Variants in LAMA2 observed in about 807,000 individuals in gnomAD.
LAMA2 encodes laminin subunit alpha 2.
In LAMA2, 269 loss-of-function variants were observed where a neutral mutation model predicts 364.8. The ratio of observed to expected loss-of-function variants is 0.74; its 90% CI spans 0.67 to 0.82. LAMA2 has a LOEUF of 0.82. Among genes scored for constraint, LAMA2 ranks in the 40% least tolerant of loss-of-function variants. The probability of loss-of-function intolerance (pLI) is 0.00; values close to 1 mark genes in which losing one functional copy is unlikely to be tolerated. For missense variants in LAMA2, 3,807 were observed against 3,873.2 expected (o/e 0.98, Z 0.45); for synonymous variants, 1,379 against 1,370.6 (o/e 1.01, Z -0.14).
intron 3 of LAMA2, among the ~76,000 whole-genome samples, chr6:129,061,501 A>G (rs1788910777): frequency 6.6e-6 from 1 of 152,192 alleles, no homozygotes; most frequent in Non-Finnish European, 1.5e-5. Context: ...ACAAGTTTTT[A>G]CTAAATCATT....
chr6:129,432,616 A>G (rs912538540), intron 41 of LAMA2, among the ~76,000 whole-genome samples: 3 of 152,216 alleles, frequency 2.0e-5, no homozygotes, highest in Non-Finnish European at 4.4e-5. Flanking sequence ...AGAGACTTAC[A>G]GATAACATAA....
chr6:129,410,736 AG>A (rs201565953), intron 40 of LAMA2, among the ~76,000 whole-genome samples: 1 of 136,302 alleles, frequency 7.3e-6, no homozygotes, highest in African/African-American at 2.8e-5. Context: ...ATAGATAGAT[AG>A]ATAGATAGAT....
chr6:129,256,985 A>G (rs552650249), intron 14 of LAMA2, among the ~76,000 whole-genome samples: 2 of 151,736 alleles, frequency 1.3e-5, no homozygotes, highest in African/African-American at 2.4e-5. Context: ...TAGTTCCAAT[A>G]TTATTCATAG....
At chr6:129,057,535 C>T (rs560809927) in intron 2 of LAMA2, among the ~76,000 whole-genome samples, 1 of 152,260 alleles carries the variant, frequency 6.6e-6, no homozygotes, top group Admixed American at 6.5e-5. Context: ...ACTCCTATAT[C>T]AATTTCACAA....
At chr6:129,508,447 G>A (rs1786290329) in intron 62 of LAMA2, among the ~76,000 whole-genome samples, 1 of 147,330 alleles carries the variant, frequency 6.8e-6, no homozygotes, top group African/African-American at 2.5e-5. Flanking sequence ...AGTTACCCTT[G>A]TGCTAGCAAA....
rs148514029 is a variant in LAMA2, at chr6:129,204,777, G to GTT, written c.1782+11925_1782+11926dup. Among the ~76,000 whole-genome samples, 551 of 152,032 alleles carry GTT rather than the reference G, an allele frequency of 3.6e-3. 5 individuals carry two copies. The highest frequency in any genetic ancestry group is 0.013 in the African/African-American group (519 of 41,466). On this transcript the variant is annotated intron_variant, in intron 12 of 64. Transcript: ENST00000421865. The stretch of plus-strand genomic sequence containing the variant: ...TTAAAATCTCATAATTTTCATTCTT[G>GTT]TTATATATATATAAAACAAATAAAA...
At chr6:129,388,264 A>AC (rs1477648454) in intron 35 of LAMA2, among the ~76,000 whole-genome samples, 1 of 151,788 alleles carries the variant, frequency 6.6e-6, no homozygotes, top group Non-Finnish European at 1.5e-5. Flanking sequence ...TCAAAAAAAA[A>AC]AAAACAAAAA....
At chr6:129,351,900 C>T (rs1470479932) in intron 31 of LAMA2, among the ~76,000 whole-genome samples, 2 of 152,054 alleles carry the variant, frequency 1.3e-5, no homozygotes, top group Admixed American at 6.6e-5. Context: ...TGTCACAAAT[C>T]GTTTTCTTCA....
At chr6:129,163,399 C>T (rs574720729) in intron 8 of LAMA2, among the ~76,000 whole-genome samples, 6 of 152,190 alleles carry the variant, frequency 3.9e-5, no homozygotes, top group East Asian at 3.9e-4. Flanking sequence ...TTTGGAAGGC[C>T]GAAGCAGGCA....
intron 37 of LAMA2, among the ~76,000 whole-genome samples, chr6:129,395,361 T>C (rs530816692): frequency 2.9e-4 from 44 of 152,338 alleles, no homozygotes; most frequent in African/African-American, 1.1e-3. Context: ...AAAAATTTTA[T>C]CAAGCCTCTA....
At chr6:129,083,526 C>A (rs1401186601) in intron 3 of LAMA2, among the ~76,000 whole-genome samples, 2 of 152,066 alleles carry the variant, frequency 1.3e-5, no homozygotes. Context: ...TTATTCATTG[C>A]AATAATAAAA....
rs530160587 is a variant in LAMA2 at position 129,459,254 on chromosome 6, T to C, written c.6868-946T>C. Among the ~76,000 whole-genome samples, 9 of 152,208 alleles carry C rather than the reference T, an allele frequency of 5.9e-5. No individual in the cohort carries two copies. In the South Asian group the frequency reaches 1.9e-3, roughly 32 times the overall value. ...TTTGTGTACCTAAACATAAACAAGG[T>C]ACAGTAAAAATACAGTATTATAATT... is the stretch of plus-strand genomic sequence containing the variant. On this transcript the variant is annotated intron_variant, in intron 48 of 64. Transcript: ENST00000421865.
At chr6:129,278,255 AT>A (rs1349389944) in intron 17 of LAMA2, among the ~76,000 whole-genome samples, 1 of 152,210 alleles carries the variant, frequency 6.6e-6, no homozygotes, top group Non-Finnish European at 1.5e-5. Context: ...GTCAACCACC[AT>A]TGACAAGAGT....
chr6:129,274,645 TATA>T, intron 17 of LAMA2, among the ~76,000 whole-genome samples: 1 of 152,136 alleles, frequency 6.6e-6, no homozygotes, highest in Middle Eastern at 3.4e-3. Context: ...CAGAGAAGCA[TATA>T]ATATTTAAAT....
rs9372910 is a variant in LAMA2 at position 128,923,849 on chromosome 6, C to T, written c.112+40492C>T. Among the ~76,000 whole-genome samples the T allele has an allele frequency of 0.011, 1,648 of 152,160 alleles. 124 individuals carry two copies. In the East Asian group the frequency reaches 0.2, roughly 19 times the overall value. ...GTGACTCAGGGTCCCAGTTGTCCTC[C>T]GCTTATGATGTTTCCAACTCAGGAA... On this transcript the variant is annotated intron_variant, in intron 1 of 64. Coordinates refer to ENST00000421865, the MANE Select transcript of LAMA2 (RefSeq NM_000426.4).
At chr6:128,985,442 A>C (rs995527434) in intron 1 of LAMA2, among the ~76,000 whole-genome samples, 3 of 152,126 alleles carry the variant, frequency 2.0e-5, no homozygotes, top group Non-Finnish European at 4.4e-5. Flanking sequence ...GGATTGACTT[A>C]CCTTAATAAT....
intron 8 of LAMA2, among the ~76,000 whole-genome samples, chr6:129,155,744 C>T (rs142458851): frequency 2.4e-3 from 364 of 152,124 alleles, no homozygotes; most frequent in African/African-American, 8.3e-3. Flanking sequence ...TTTCCCTCTG[C>T]GTGCTAATAC....
intron 4 of LAMA2, among the ~76,000 whole-genome samples, chr6:129,124,629 C>A (rs1043684653): frequency 1.3e-5 from 2 of 152,154 alleles, no homozygotes; most frequent in Non-Finnish European, 2.9e-5. Flanking sequence ...CTGTCAGCAG[C>A]CACCAAGCTG....
chr6:128,958,940 A>G (rs1781313062), intron 1 of LAMA2, among the ~76,000 whole-genome samples: 2 of 152,166 alleles, frequency 1.3e-5, no homozygotes, highest in African/African-American at 4.8e-5. Context: ...ATGGAAGACA[A>G]AGATTGAGCA....
Sources: gnomAD v4.1 joint callset for allele counts (sites outside exome capture counted in the v4.1 genomes callset) on GRCh38, gnomAD v4.1.1 for gene constraint, MANE v1.5 for transcripts, NCBI Gene and HGNC (gene_info 2026-07-23, HGNC 2026-07-21) for gene names.